The following PPT1 variants were observed in gnomAD, a reference collection of about 807,000 sequenced individuals.
The protein encoded by PPT1 is palmitoyl-protein thioesterase 1.
Under a neutral mutation model 44.0 loss-of-function variants are expected in PPT1, and 24 were observed. The observed-to-expected ratio is 0.54, with a 90% confidence interval of 0.39 to 0.77. The LOEUF (loss-of-function observed/expected upper bound fraction) is 0.77. Ranked by LOEUF, PPT1 falls within the 30% of genes least tolerant of loss-of-function variation. PPT1 has a pLI of 0.00. For synonymous variants in PPT1, 148 were observed against 140.2 expected, an observed-to-expected ratio of 1.06 and a Z score of -0.39; for missense variants, 341 against 378.8, an observed-to-expected ratio of 0.90 and a Z score of 0.83.
Position 40,073,861 on chromosome 1 carries a change from G to C in PPT1, c.*200C>G, listed in dbSNP as rs1648414378. ...AACAATCTCCATGGTAATTAAACTT[G>C]CATTCAACACCATATGGTAACAGAA... On this transcript the variant is annotated 3_prime_UTR_variant, in exon 9 of 9. Transcript: ENST00000642050. 2.7e-6 allele frequency: 2 copies of C among 731,074 alleles called. No individual in the cohort carries two copies. Among genetic ancestry groups the C allele is most frequent in the Non-Finnish European group, 4.6e-6 (2 of 437,572 alleles). The allele number at this position is 731,074 out of a possible 1,614,324, so 45.3% of individuals were successfully genotyped here.
At chr1:40,072,609 A>AAGTT (rs1648274735), downstream of PPT1, 1 of 152,778 alleles carries the variant, frequency 6.5e-6, no homozygotes. Context: ...TATGTACTTA[A>AAGTT]AGTTATACAG....
At chr1:40,088,625 T>C (rs1334976251) in intron 5 of PPT1, among the ~76,000 whole-genome samples, 1 of 152,108 alleles carries the variant, frequency 6.6e-6, no homozygotes, top group African/African-American at 2.4e-5. Flanking sequence ...TTCAGACTGG[T>C]TGTGAACTTC....
At chr1:40,096,819 C>CA (rs1416220393) in intron 1 of PPT1, 1 of 431,362 alleles carries the variant, frequency 2.3e-6, no homozygotes, top group African/African-American at 2.1e-5. Context: ...CTAGCCTGAC[C>CA]AAGTGAGAGA....
In PPT1 at chr1:40,097,184, A is replaced by T; in HGVS notation, c.55T>A (p.Cys19Ser). ...LLAVALLPWT[C>S]ASRALQHLDP... ...AGATGCTGCAGCGCCCGAGAAGCGCAGGTCCATGGCAGGAGAGCCACAGCC... is the reference window on the plus strand; with the variant it reads ...AGATGCTGCAGCGCCCGAGAAGCGCTGGTCCATGGCAGGAGAGCCACAGCC... The change falls in exon 1 of 9, where the codon TGC becomes AGC. Residue 19 changes from cysteine (C) to serine (S), a missense_variant. Cys to Ser is a moderately radical substitution (Grantham distance 112). Coordinates refer to ENST00000642050, the MANE Select transcript of PPT1 (RefSeq NM_000310.4). The T allele has an allele frequency of 1.2e-6, 2 of 1,614,070 alleles. No individual in the cohort carries two copies. Among genetic ancestry groups the T allele is most frequent in the Non-Finnish European group, 1.7e-6 (2 of 1,179,964 alleles).
At chr1:40,092,685 A>G (rs919439744) in intron 1 of PPT1, among the ~76,000 whole-genome samples, 178 bp from the exon 2 acceptor site, 2 of 151,600 alleles carry the variant, frequency 1.3e-5, no homozygotes, top group Admixed American at 1.3e-4. Context: ...CAAGGAATCT[A>G]TAACTCACTT....
intron 5 of PPT1, chr1:40,082,108 AG>A (rs1648975498): frequency 6.6e-6 from 1 of 151,972 alleles, no homozygotes; most frequent in Non-Finnish European, 1.5e-5. Context: ...GGTTACCCCA[AG>A]GCCTCACATG....
In PPT1 at chr1:40,092,433, C is replaced by T. The variant is rs149945902; in HGVS notation, c.199G>A (p.Val67Ile). 28 of 1,613,406 alleles carry T rather than the reference C, an allele frequency of 1.7e-5. No individual in the cohort carries two copies. The highest frequency in any genetic ancestry group is 2.0e-5 in the Non-Finnish European group (23 of 1,179,464). The change falls in exon 2 of 9, where the codon GTC becomes ATC. Residue 67 changes from valine to isoleucine, a missense_variant. Physicochemically the swap from Val to Ile is conservative, Grantham distance 29. Transcript: ENST00000642050. ...GTCTTCCCAATCTCTAAAGATAAGA[C>T]GTAAATTCCAGGTATTTTCTTCTCC... ...MVEKKIPGIY[V>I]LSLEIGKTLM...
intron 1 of PPT1, 36 bp from the exon 2 acceptor site, chr1:40,092,543 T>G: frequency 6.8e-7 from 1 of 1,478,396 alleles, no homozygotes; most frequent in African/African-American, 1.4e-5. Flanking sequence ...AACTCATGAG[T>G]CCAAATATTG....
chr1:40,074,325 AAAG>A, intron 8 of PPT1, 142 bp from the exon 9 acceptor site: 2 of 965,044 alleles, frequency 2.1e-6, no homozygotes, highest in South Asian at 1.4e-5. Context: ...AAAATGCCAA[AAAG>A]AATATCTCCT....
At chr1:40,079,542 G>A (rs1648817084) in intron 6 of PPT1, among the ~76,000 whole-genome samples, 1 of 151,908 alleles carries the variant, frequency 6.6e-6, no homozygotes, top group Non-Finnish European at 1.5e-5. Context: ...GATTACAGGT[G>A]ATCGCCACCA....
Position 40,074,001 on chromosome 1 carries a change from C to G in PPT1, c.*60G>C. On this transcript the variant is annotated 3_prime_UTR_variant, in exon 9 of 9. Transcript: ENST00000642050. ...CAGGCTTGGGCATGAAGGAAACTGT[C>G]TCCCATGTGGTTTGGAAGAGTTAGG... The G allele has an allele frequency of 1.2e-6, 2 of 1,608,074 alleles. No homozygotes were observed. Among genetic ancestry groups the G allele is most frequent in the Non-Finnish European group, 1.7e-6 (2 of 1,175,606 alleles).
chr1:40,080,253 G>A, intron 6 of PPT1, 144 bp downstream of exon 6: 1 of 846,546 alleles, frequency 1.2e-6, no homozygotes, highest in South Asian at 1.3e-5. Context: ...AATCTCAAAG[G>A]CCCTGCCTCC....
intron 5 of PPT1, among the ~76,000 whole-genome samples, chr1:40,083,272 A>AC (rs1649073867): frequency 6.6e-6 from 1 of 152,056 alleles, no homozygotes; most frequent in Non-Finnish European, 1.5e-5. Flanking sequence ...ACATAGCAAG[A>AC]CCCCACCTCT....
At chr1:40,090,161 T>C (rs373859912) in intron 4 of PPT1, among the ~76,000 whole-genome samples, 3 of 152,152 alleles carry the variant, frequency 2.0e-5, no homozygotes, top group South Asian at 2.1e-4. Flanking sequence ...TTCCAAGAGA[T>C]TGGGTCTTGC....
At chr1:40,072,284 C>G, downstream of PPT1, 1 of 380,446 alleles carries the variant, frequency 2.6e-6, no homozygotes, top group Non-Finnish European at 4.6e-6. Flanking sequence ...CACATGATTT[C>G]AAGGAGTCTG....
chr1:40,076,284 G>A (rs1648624239), intron 8 of PPT1, among the ~76,000 whole-genome samples: 1 of 152,100 alleles, frequency 6.6e-6, no homozygotes, highest in African/African-American at 2.4e-5. Flanking sequence ...GGCCAACATG[G>A]TGAAACTCCA....
Position 40,074,017 on chromosome 1 carries a change from A to G in PPT1, c.*44T>C, listed in dbSNP as rs1648423171. 1.9e-6 allele frequency: 3 copies of G among 1,612,718 alleles called. No homozygotes were observed. The highest frequency in any genetic ancestry group is 1.7e-5 in the Admixed American group (1 of 59,976). ...GGAAACTGTCTCCCATGTGGTTTGGAAGAGTTAGGGGCTCCCTGAGCTCTA... is the reference window on the plus strand; with the variant it reads ...GGAAACTGTCTCCCATGTGGTTTGGGAGAGTTAGGGGCTCCCTGAGCTCTA... On this transcript the variant is annotated 3_prime_UTR_variant, in exon 9 of 9. Transcript: ENST00000642050.
downstream of PPT1, chr1:40,071,664 C>A: frequency 1.6e-6 from 1 of 623,288 alleles, no homozygotes. Flanking sequence ...AGCACAGCTA[C>A]CTGCCTTCAC....
At chr1:40,075,786 A>G (rs1648586149) in intron 8 of PPT1, among the ~76,000 whole-genome samples, 1 of 151,504 alleles carries the variant, frequency 6.6e-6, no homozygotes, top group African/African-American at 2.4e-5. Context: ...CAACATGGTG[A>G]AACCCCGTCT....
Sources: allele counts gnomAD v4.1 joint callset (sites outside exome capture counted in the v4.1 genomes callset), GRCh38; gene constraint gnomAD v4.1.1; transcripts MANE v1.5; gene names NCBI Gene and HGNC (gene_info 2026-07-23, HGNC 2026-07-21).